Variants in ELAVL4 observed in about 807,000 individuals in gnomAD.
ELAVL4 encodes the protein ELAV like RNA binding protein 4, also known as ELAV-like protein 4.
In ELAVL4, 1 loss-of-function variant was observed where a neutral mutation model predicts 35.6. The observed-to-expected ratio is 0.03, with a 90% CI of 0.01 to 0.13. The LOEUF (loss-of-function observed/expected upper bound fraction) is 0.13, where lower values mean the gene tolerates loss of function less well. ELAVL4 is among the 10% of genes least tolerant of loss of function. ELAVL4 has a pLI of 1.00. For synonymous variants in ELAVL4, 156 were observed against 171.0 expected, an observed-to-expected ratio of 0.91 and a Z score of 0.69; for missense variants, 267 against 464.9, an observed-to-expected ratio of 0.57 and a Z score of 3.91.
At chr1:50,133,881 T>C (rs1015197147) in intron 1 of ELAVL4, among the ~76,000 whole-genome samples, 3 of 152,134 alleles carry the variant, frequency 2.0e-5, no homozygotes, top group Non-Finnish European at 2.9e-5. Flanking sequence ...TTTCACTTAT[T>C]ATCTTCACCT....
chr1:50,075,638 G>C (rs1490398668), intron 1 of ELAVL4, among the ~76,000 whole-genome samples: 1 of 152,160 alleles, frequency 6.6e-6, no homozygotes, highest in East Asian at 1.9e-4. Context: ...CAGAGTACAG[G>C]TGGTCCTATA....
At chr1:50,174,314 G>A (rs1172559107) in intron 2 of ELAVL4, 1 of 152,074 alleles carries the variant, frequency 6.6e-6, no homozygotes, top group East Asian at 1.9e-4. Context: ...GTTTCATTGT[G>A]GTACCAGACT....
At chr1:50,139,598 A>G (rs944302425) in intron 1 of ELAVL4, among the ~76,000 whole-genome samples, 3 of 152,170 alleles carry the variant, frequency 2.0e-5, no homozygotes, top group Non-Finnish European at 4.4e-5. Context: ...AGTGGAAGTA[A>G]ACCCTTTTTA....
In ELAVL4 at chr1:50,203,375, T is replaced by G. The variant is rs1026986641; in HGVS notation, c.*2197T>G. 6.6e-6 allele frequency: 1 copy of G among 152,158 alleles called. No homozygotes were observed. Among genetic ancestry groups the G allele is most frequent in the African/African-American group, 2.4e-5 (1 of 41,442 alleles). The allele number at this position is 152,158 out of a possible 1,614,324, so 9.4% of individuals were successfully genotyped here. On this transcript the variant is annotated 3_prime_UTR_variant, in exon 7 of 7. Coordinates refer to ENST00000371824, the MANE Select transcript of ELAVL4 (RefSeq NM_001144774.3). ...CATAGACTCCTCCTTTAAATTTTTT[T>G]TCTGTTTTTTTTTCCTCTTTTCGGT...
intron 1 of ELAVL4, among the ~76,000 whole-genome samples, chr1:50,080,304 T>G (rs1664950118): frequency 1.3e-5 from 2 of 152,004 alleles, no homozygotes; most frequent in South Asian, 4.2e-4. Flanking sequence ...ACAGGAAAAA[T>G]GAATGTTCTA....
intron 3 of ELAVL4, among the ~76,000 whole-genome samples, chr1:50,191,625 G>A (rs1264264404): frequency 2.0e-5 from 3 of 152,092 alleles, no homozygotes; most frequent in African/African-American, 7.2e-5. Context: ...ATGGAGAGGT[G>A]GTCAGTTAAG....
At chr1:50,052,690 C>T (rs1030850703) in intron 1 of ELAVL4, among the ~76,000 whole-genome samples, 23 of 152,174 alleles carry the variant, frequency 1.5e-4, no homozygotes, top group Non-Finnish European at 3.4e-4. Context: ...CACACAAGCA[C>T]CTTTGTTCAC....
chr1:50,075,701 T>A (rs975734686), intron 1 of ELAVL4, among the ~76,000 whole-genome samples: 26 of 152,334 alleles, frequency 1.7e-4, no homozygotes, highest in African/African-American at 6.0e-4. Flanking sequence ...GTGAAAGCAA[T>A]ACACATTCAG....
At chr1:50,056,199 T>C (rs1663659693) in intron 1 of ELAVL4, among the ~76,000 whole-genome samples, 1 of 152,156 alleles carries the variant, frequency 6.6e-6, no homozygotes, top group Admixed American at 6.5e-5. Flanking sequence ...CTGGAACTAG[T>C]GTTCTAGAAG....
intron 2 of ELAVL4, among the ~76,000 whole-genome samples, chr1:50,174,016 A>G (rs1380749711): frequency 6.6e-6 from 1 of 152,216 alleles, no homozygotes; most frequent in Non-Finnish European, 1.5e-5. Context: ...TTCTAGGTAC[A>G]CTTAGCATAC....
intron 3 of ELAVL4, among the ~76,000 whole-genome samples, chr1:50,177,864 G>T (rs1252280374): frequency 6.6e-6 from 1 of 152,186 alleles, no homozygotes; most frequent in Admixed American, 6.5e-5. Flanking sequence ...ATAATTAGGT[G>T]GGTAGATAAT....
chr1:50,162,397 T>C (rs1259909631), intron 2 of ELAVL4, among the ~76,000 whole-genome samples: 2 of 152,256 alleles, frequency 1.3e-5, no homozygotes, highest in East Asian at 1.9e-4. Flanking sequence ...GAGAAATACA[T>C]TCAGTTCAAC....
intron 1 of ELAVL4, among the ~76,000 whole-genome samples, chr1:50,134,995 C>T (rs575476596): frequency 2.0e-4 from 30 of 152,030 alleles, no homozygotes; most frequent in Non-Finnish European, 3.2e-4. Flanking sequence ...CTTGGATTTC[C>T]GTGAATTTGA....
At chr1:50,052,748 T>C (rs940283149) in intron 1 of ELAVL4, among the ~76,000 whole-genome samples, 1 of 152,244 alleles carries the variant, frequency 6.6e-6, no homozygotes, top group Non-Finnish European at 1.5e-5. Flanking sequence ...CTAAACTGCC[T>C]ACTACACAGT....
In ELAVL4 at chr1:50,195,708, A is replaced by G; in HGVS notation, c.656A>G (p.Gln219Arg). Residue 219 changes from glutamine (Q) to arginine (R), a missense_variant, in exon 5 of 7, where the codon CAG (glutamine) becomes CGG (arginine). Around this residue, in one of 2 missense-constraint regions of ELAVL4, gnomAD observed 216 missense variants for 409.5 expected, o/e 0.53. Coordinates refer to ENST00000371824, the MANE Select transcript of ELAVL4 (RefSeq NM_001144774.3). Reference sequence around the variant, plus strand: ...AACAACCCCAGCCAGAAGTCCAGCCAGGCCCTGCTCTCCCAGCTCTACCAG... The same window carrying G: ...AACAACCCCAGCCAGAAGTCCAGCCGGGCCCTGCTCTCCCAGCTCTACCAG... ...FANNPSQKSS[Q>R]ALLSQLYQSP... The G allele has an allele frequency of 1.2e-6, 2 of 1,614,168 alleles. No individual in the cohort carries two copies. Among genetic ancestry groups the G allele is most frequent in the Admixed American group, 1.7e-5 (1 of 60,024 alleles).
At chr1:50,131,712 C>T (rs368833846) in intron 1 of ELAVL4, among the ~76,000 whole-genome samples, 1 of 151,924 alleles carries the variant, frequency 6.6e-6, no homozygotes, top group Non-Finnish European at 1.5e-5. Flanking sequence ...ATCACTTGAA[C>T]CTAGGAGGCG....
intron 1 of ELAVL4, among the ~76,000 whole-genome samples, chr1:50,082,817 T>C (rs1418813457): frequency 6.6e-6 from 1 of 152,166 alleles, no homozygotes; most frequent in Non-Finnish European, 1.5e-5. Flanking sequence ...CTTTCCTGTC[T>C]CCTTTCCTCC....
At chr1:50,074,763 A>T (rs1200221275) in intron 1 of ELAVL4, among the ~76,000 whole-genome samples, 1 of 152,210 alleles carries the variant, frequency 6.6e-6, no homozygotes, top group African/African-American at 2.4e-5. Flanking sequence ...GGGACAGTGG[A>T]TCAGTCTGGG....
chr1:50,143,636 G>A (rs1027869480), intron 1 of ELAVL4, among the ~76,000 whole-genome samples: 4 of 152,142 alleles, frequency 2.6e-5, no homozygotes, highest in Admixed American at 1.3e-4. Flanking sequence ...CTAGTAAGTG[G>A]CAGAGTATGA....
Sources: gnomAD v4.1 joint callset for allele counts (sites outside exome capture counted in the v4.1 genomes callset) on GRCh38, gnomAD v4.1.1 for gene constraint, gnomAD v4.1.1 regional missense constraint, MANE v1.5 for transcripts, NCBI Gene and HGNC (gene_info 2026-07-23, HGNC 2026-07-21) for gene names.